The following ERC2 variants were observed in gnomAD, a reference collection of about 807,000 sequenced individuals.
ERC2 encodes ERC protein 2.
In ERC2, 42 loss-of-function variants were observed where a neutral mutation model predicts 114.8. The ratio of observed to expected loss-of-function variants is 0.37; its 90% confidence interval spans 0.29 to 0.47. The LOEUF (loss-of-function observed/expected upper bound fraction) is 0.47. Ranked by LOEUF, ERC2 falls within the 20% of genes least tolerant of loss-of-function variation. The pLI, the probability that ERC2 is intolerant of heterozygous loss-of-function variation, is 0.99. For synonymous variants in ERC2, 454 were observed against 425.5 expected (o/e 1.07, Z -0.82); for missense variants, 939 against 1,150.7 (o/e 0.82, Z 2.66).
chr3:56,089,359 T>C (rs1057267125), intron 6 of ERC2, among the ~76,000 whole-genome samples: 1 of 152,166 alleles, frequency 6.6e-6, no homozygotes, highest in African/African-American at 2.4e-5. Flanking sequence ...GCATGTCCAG[T>C]CTTCCAAGAG....
At chr3:56,144,784 T>C (rs1162759320) in intron 5 of ERC2, among the ~76,000 whole-genome samples, 1 of 152,220 alleles carries the variant, frequency 6.6e-6, no homozygotes, top group Non-Finnish European at 1.5e-5. Context: ...AGGTAAATTT[T>C]AAATAAATAT....
intron 14 of ERC2, among the ~76,000 whole-genome samples, chr3:55,774,855 A>G (rs2068478252): frequency 6.6e-6 from 1 of 152,224 alleles, no homozygotes; most frequent in South Asian, 2.1e-4. Flanking sequence ...TTATTTTAAC[A>G]TGGTTAAGAG....
At chr3:56,203,329 A>G (rs964081779) in intron 3 of ERC2, among the ~76,000 whole-genome samples, 2 of 118,248 alleles carry the variant, frequency 1.7e-5, no homozygotes, top group African/African-American at 2.8e-5. Flanking sequence ...GCTGAAGGAG[A>G]CCGGATTTTT....
At chr3:55,791,673 C>T (rs4542991) in intron 14 of ERC2, among the ~76,000 whole-genome samples, 49,782 of 151,962 alleles carry the variant, frequency 0.33, 9,611 homozygotes, top group African/African-American at 0.54. Flanking sequence ...ATATAGGACT[C>T]GAATGAAAAA....
At chr3:56,194,240 C>A (rs2047958955) in intron 3 of ERC2, among the ~76,000 whole-genome samples, 1 of 152,072 alleles carries the variant, frequency 6.6e-6, no homozygotes, top group South Asian at 2.1e-4. Flanking sequence ...CCTCCCGCCA[C>A]CACCCCACAA....
chr3:55,681,047 G>T (rs556758746), intron 17 of ERC2, among the ~76,000 whole-genome samples: 1 of 152,044 alleles, frequency 6.6e-6, no homozygotes, highest in Non-Finnish European at 1.5e-5. Flanking sequence ...ATAAATCCAG[G>T]CCTGGGTGTG....
chr3:55,583,212 C>A (rs749196728), intron 17 of ERC2, among the ~76,000 whole-genome samples: 9 of 152,222 alleles, frequency 5.9e-5, no homozygotes, highest in South Asian at 2.1e-4. Context: ...CAAAATGTCA[C>A]ATTCTTACCC....
chr3:55,566,769 G>C (rs1163310567), intron 17 of ERC2, among the ~76,000 whole-genome samples: 1 of 151,610 alleles, frequency 6.6e-6, no homozygotes, highest in Admixed American at 6.6e-5. Flanking sequence ...TGCAATCTTG[G>C]CTCACTGAAA....
intron 14 of ERC2, among the ~76,000 whole-genome samples, chr3:55,867,816 T>C (rs1353653807): frequency 6.6e-6 from 1 of 152,190 alleles, no homozygotes; most frequent in Non-Finnish European, 1.5e-5. Flanking sequence ...TTGGTCACTT[T>C]AAAATGTCAA....
At chr3:56,403,828 T>C (rs11130518) in intron 2 of ERC2, among the ~76,000 whole-genome samples, 68,117 of 152,024 alleles carry the variant, frequency 0.45, 16,322 homozygotes, top group African/African-American at 0.6. Flanking sequence ...TCTTCACTGT[T>C]CTCTATCATC....
chr3:56,210,593 T>C (rs1175858778), intron 3 of ERC2, among the ~76,000 whole-genome samples: 1 of 152,216 alleles, frequency 6.6e-6, no homozygotes, highest in Non-Finnish European at 1.5e-5. Context: ...TGAATTAAGC[T>C]AAGTAAACTG....
intron 6 of ERC2, among the ~76,000 whole-genome samples, chr3:56,125,032 C>A (rs1173818172): frequency 6.6e-6 from 1 of 152,130 alleles, no homozygotes; most frequent in Non-Finnish European, 1.5e-5. Context: ...CTTTGAAATT[C>A]ACTTTCTAGA....
At chr3:56,073,617 G>T (rs2076841690) in intron 7 of ERC2, among the ~76,000 whole-genome samples, 4 of 152,172 alleles carry the variant, frequency 2.6e-5, no homozygotes, top group Admixed American at 2.6e-4. Context: ...AAGGAGGTCA[G>T]ACCTATGTGA....
At chr3:55,613,060 T>C (rs1001597110) in intron 17 of ERC2, 1 of 152,246 alleles carries the variant, frequency 6.6e-6, no homozygotes, top group Non-Finnish European at 1.5e-5. Flanking sequence ...ACCAAATAAA[T>C]GAAAGTGCAT....
chr3:55,785,831 A>G (rs1414275359), intron 14 of ERC2, among the ~76,000 whole-genome samples: 1 of 152,200 alleles, frequency 6.6e-6, no homozygotes, highest in Non-Finnish European at 1.5e-5. Context: ...TCTTTAACAC[A>G]TCAAGGTCAT....
chr3:55,550,827 T>C (rs547588944), intron 17 of ERC2, among the ~76,000 whole-genome samples: 32 of 151,938 alleles, frequency 2.1e-4, no homozygotes, highest in South Asian at 1.5e-3. Context: ...CCATCCTGGC[T>C]AACACGGTGA....
chr3:56,031,188 G>C (rs908763495), intron 7 of ERC2, among the ~76,000 whole-genome samples: 1 of 152,182 alleles, frequency 6.6e-6, no homozygotes, highest in African/African-American at 2.4e-5. Context: ...CCTCCAGCCT[G>C]TCCCCCATGG....
intron 2 of ERC2, among the ~76,000 whole-genome samples, chr3:56,329,531 G>T (rs1473041880): frequency 1.3e-5 from 2 of 152,094 alleles, no homozygotes; most frequent in African/African-American, 4.8e-5. Flanking sequence ...GCCCTCAAAG[G>T]AAACTACTTC....
intron 6 of ERC2, among the ~76,000 whole-genome samples, chr3:56,132,653 AT>A (rs111430467): frequency 0.03 from 4,589 of 152,170 alleles, 149 homozygotes; most frequent in African/African-American, 0.076. Flanking sequence ...AAAGCATTTA[AT>A]TTTTTTTACT....
Sources: allele counts gnomAD v4.1 joint callset (sites outside exome capture counted in the v4.1 genomes callset), GRCh38; gene constraint gnomAD v4.1.1; transcripts MANE v1.5; gene names NCBI Gene and HGNC (gene_info 2026-07-23, HGNC 2026-07-21).